HSPA12B: variants seen among roughly 807,000 people sequenced by gnomAD.
HSPA12B encodes the protein heat shock protein family A (Hsp70) member 12B.
Under a neutral mutation model 69.3 loss-of-function variants are expected in HSPA12B, and 54 were observed. The ratio of observed to expected loss-of-function variants is 0.78; its 90% CI spans 0.63 to 0.98. The LOEUF (loss-of-function observed/expected upper bound fraction) is 0.98, where lower values mean the gene tolerates loss of function less well. Ranked by LOEUF, HSPA12B falls within the 50% of genes least tolerant of loss-of-function variation. The pLI is 0.00. For synonymous variants in HSPA12B, 441 were observed against 436.5 expected, an observed-to-expected ratio of 1.01 and a Z score of -0.13; for missense variants, 929 against 999.8, an observed-to-expected ratio of 0.93 and a Z score of 0.96.
chr20:3,748,283 G>A lies in HSPA12B; in HGVS notation c.742G>A (p.Val248Ile). The change falls in exon 8 of 13, where the codon GTA becomes ATA. Residue 248 changes from valine (V) to isoleucine (I), a missense_variant. Around this residue, in one of 3 missense-constraint regions of HSPA12B, gnomAD observed 477 missense variants for 535.2 expected, o/e 0.89. Coordinates refer to ENST00000254963, the MANE Select transcript of HSPA12B (RefSeq NM_052970.5). The part of the protein sequence containing the change: ...LIALEPEAAS[V>I]YCRKLRLHQL... ...CGCCCTGGAGCCCGAGGCCGCCTCG[G>A]TATACTGCCGCAAGCTGCGCCTGCA... 6.2e-7 allele frequency: 1 copy of A among 1,610,444 alleles called. No individual in the cohort carries two copies. Among genetic ancestry groups the A allele is most frequent in the Non-Finnish European group, 8.5e-7 (1 of 1,178,440 alleles).
rs1195513320 is a variant in HSPA12B, at chr20:3,744,296, C to T, written c.267-606C>T. Among the ~76,000 whole-genome samples the T allele has an allele frequency of 6.6e-6, 1 of 152,220 alleles. No homozygotes were observed. The highest frequency in any genetic ancestry group is 1.5e-5 in the Non-Finnish European group (1 of 68,032). On this transcript the variant is annotated intron_variant, in intron 4 of 12. Coordinates refer to ENST00000254963, the MANE Select transcript of HSPA12B (RefSeq NM_052970.5). This position sits in a 1 kb window ranked among gnomAD's most constrained non-coding sequence, Gnocchi z 4.9. ...AAACCACAAAGGCTCTGAGCACTTACAGCCCTCTAGGAGCTGCAGGGCATC... is the reference window on the plus strand; with the variant it reads ...AAACCACAAAGGCTCTGAGCACTTATAGCCCTCTAGGAGCTGCAGGGCATC...
chr20:3,751,623 C>T lies in HSPA12B; in HGVS notation c.1518C>T (p.Arg506=). 6.5e-7 allele frequency: 1 copy of T among 1,528,532 alleles called. No individual in the cohort carries two copies. The allele number at this position is 1,528,532 out of a possible 1,614,324, so 94.7% of individuals were successfully genotyped here. The change falls in exon 13 of 13, where the codon CGC becomes CGT. Residue 506 remains arginine (R), a synonymous_variant. Coordinates refer to ENST00000254963, the MANE Select transcript of HSPA12B (RefSeq NM_052970.5). ...CGGTGCAGGCGGCGCTGGGCGCCCG[C>T]GGTCTGCGTGTCGTGGTCCCGCACG... ...QHAVQAALGA[R]GLRVVVPHDV...
rs1568473786 is a variant in HSPA12B, at chr20:3,742,300, C to T, written c.158C>T (p.Ala53Val). ...PSQSPKPEVR[A>V]PQQASFSVVV... ...CACTTGCAGAAACCCGAGGTCCGAG[C>T]CCCCCAGCAGGCCTCCTTCTCTGTG... The change falls in exon 4 of 13, where the codon GCC becomes GTC. Residue 53 changes from alanine (A) to valine (V), a missense_variant. This residue lies in a region of HSPA12B where 477 missense variants were observed against 535.2 expected (regional missense o/e 0.89). Transcript: ENST00000254963. 1 of 1,613,728 alleles carries T rather than the reference C, an allele frequency of 6.2e-7. No individual in the cohort carries two copies. Among genetic ancestry groups the T allele is most frequent in the Non-Finnish European group, 8.5e-7 (1 of 1,179,700 alleles).
intron 1 of HSPA12B, 50 bp from the exon 2 acceptor site, chr20:3,738,608 G>T: frequency 6.5e-7 from 1 of 1,544,836 alleles, no homozygotes; most frequent in South Asian, 1.1e-5. Context: ...TCAGATGAGG[G>T]AACAAAGGGA....
intron 1 of HSPA12B, among the ~76,000 whole-genome samples, chr20:3,733,513 C>G (rs1432388471): frequency 6.6e-6 from 1 of 152,004 alleles, no homozygotes; most frequent in Non-Finnish European, 1.5e-5. Context: ...TGATGAGGAC[C>G]CAAGGGGGTG....
chr20:3,749,170 T>C lies in HSPA12B; in HGVS notation c.851-62T>C. On this transcript the variant is annotated intron_variant, in intron 8 of 12. Transcript: ENST00000254963. This position sits in a 1 kb window ranked among gnomAD's most constrained non-coding sequence, Gnocchi z 5.5. The stretch of plus-strand genomic sequence containing the variant: ...GAGGTCCTGGGCAGGAGGATGGGAG[T>C]TGAACGCCATAGCTGGAGCACCTCC... 1 of 1,457,668 alleles carries C rather than the reference T, an allele frequency of 6.9e-7. No homozygotes were observed. The highest frequency in any genetic ancestry group is 9.5e-7 in the Non-Finnish European group (1 of 1,057,218). The allele number at this position is 1,457,668 out of a possible 1,614,324, so 90.3% of individuals were successfully genotyped here. A position where few individuals can be genotyped will look rare whatever the true frequency, so the allele number is the denominator to read the frequency against.
In HSPA12B at chr20:3,749,969, G is replaced by C; in HGVS notation, c.1043G>C (p.Gly348Ala). The change falls in exon 11 of 13, where the codon GGG becomes GCG. Residue 348 changes from glycine to alanine, a missense_variant and splice_region_variant. Physicochemically the swap from Gly to Ala is moderately conservative, Grantham distance 60 (BLOSUM62 0). Coordinates refer to ENST00000254963, the MANE Select transcript of HSPA12B (RefSeq NM_052970.5). This position sits in a 1 kb window ranked among gnomAD's most constrained non-coding sequence, Gnocchi z 5.5. ...GTLKELYKAS[G>A]GPYGAVGVDL... ...CTCTTCGCCCCCTGCTCCACCCCAG[G>C]GGGCCCTTATGGCGCGGTGGGCGTG... 6.4e-7 allele frequency: 1 copy of C among 1,563,700 alleles called. No individual in the cohort carries two copies.
chr20:3,735,221 G>A (rs560712214), intron 1 of HSPA12B, among the ~76,000 whole-genome samples: 1 of 152,308 alleles, frequency 6.6e-6, no homozygotes, highest in African/African-American at 2.4e-5. Flanking sequence ...ATCTGGACTT[G>A]TTAACATAAG....
chr20:3,740,745 C>A lies in HSPA12B; in HGVS notation c.44-70C>A. On this transcript the variant is annotated intron_variant, in intron 2 of 12. Coordinates refer to ENST00000254963, the MANE Select transcript of HSPA12B (RefSeq NM_052970.5). The surrounding 1 kb of genome is among the most constrained non-coding windows in gnomAD (Gnocchi z 4.9). ...AGGACTGATGGAGAACCTTTGGGTG[C>A]CTGGCTTGGGGCCCCGCTGCCATAC... 1 of 1,268,442 alleles carries A rather than the reference C, an allele frequency of 7.9e-7. No homozygotes were observed. Among genetic ancestry groups the A allele is most frequent in the Non-Finnish European group, 1.1e-6 (1 of 885,500 alleles). The allele number at this position is 1,268,442 out of a possible 1,614,324, so 78.6% of individuals were successfully genotyped here.
chr20:3,740,637 G>A lies in HSPA12B; in HGVS notation c.44-178G>A, dbSNP rs1403011825. On this transcript the variant is annotated intron_variant, in intron 2 of 12. Transcript: ENST00000254963. This position sits in a 1 kb window ranked among gnomAD's most constrained non-coding sequence, Gnocchi z 4.9. ...CGTTGCCTCTGACAGCAGACCCTCAGCTCCTGCCCCTGCGTCATGTGTGTC... is the reference window on the plus strand; with the variant it reads ...CGTTGCCTCTGACAGCAGACCCTCAACTCCTGCCCCTGCGTCATGTGTGTC... Among the ~76,000 whole-genome samples, 1 of 152,162 alleles carries A rather than the reference G, an allele frequency of 6.6e-6. No homozygotes were observed. Among genetic ancestry groups the A allele is most frequent in the African/African-American group, 2.4e-5 (1 of 41,436 alleles).
In HSPA12B at chr20:3,746,422, C is replaced by G. The variant is rs768104029; in HGVS notation, c.675+391C>G. 4.0e-5 allele frequency among the ~76,000 whole-genome samples: 6 copies of G among 150,924 alleles called. No individual in the cohort carries two copies. The South Asian group carries it at 8.4e-4, about 21-fold the overall frequency. On this transcript the variant is annotated intron_variant, in intron 7 of 12. Transcript: ENST00000254963. ...GGTTCACGCCATTCTCCTGCCTCAG[C>G]CTCCCGAGTAGCTGGGACTACAGGT...
At chr20:3,734,144 G>C (rs1006550658) in intron 1 of HSPA12B, among the ~76,000 whole-genome samples, 4 of 152,200 alleles carry the variant, frequency 2.6e-5, no homozygotes, top group African/African-American at 7.2e-5. Context: ...CTCCAGCCTA[G>C]GCAACAGAGC....
intron 1 of HSPA12B, among the ~76,000 whole-genome samples, chr20:3,738,330 A>G (rs897653790): frequency 6.6e-6 from 1 of 152,222 alleles, no homozygotes; most frequent in Non-Finnish European, 1.5e-5. Context: ...GGCACAGAGC[A>G]GGCACCAGAA....
At chr20:3,743,235 G>A (rs1454464391) in intron 4 of HSPA12B, among the ~76,000 whole-genome samples, 1 of 149,390 alleles carries the variant, frequency 6.7e-6, no homozygotes, top group Non-Finnish European at 1.5e-5. Flanking sequence ...ACAAGCTGGA[G>A]TGCAGTGGTG....
intron 11 of HSPA12B, chr20:3,750,528 A>G (rs2088398592): frequency 3.2e-6 from 1 of 310,188 alleles, no homozygotes; most frequent in Non-Finnish European, 4.7e-6. Flanking sequence ...CTGCGGGCCC[A>G]TGCTCCTCGG....
chr20:3,750,342 A>C, intron 11 of HSPA12B, 115 bp downstream of exon 11: 15 of 1,110,824 alleles, frequency 1.4e-5, no homozygotes, highest in Non-Finnish European at 1.7e-5. Context: ...TCCCACATAT[A>C]CACTAAGCCA....
At position 3,744,198 on chromosome 20, in the gene HSPA12B, C is replaced by G. The variant is rs1304172898; in HGVS notation, c.267-704C>G. Among the ~76,000 whole-genome samples, 1 of 152,160 alleles carries G rather than the reference C, an allele frequency of 6.6e-6. No homozygotes were observed. The highest frequency in any genetic ancestry group is 1.5e-5 in the Non-Finnish European group (1 of 68,032). ...AAGGGTGAATGGAGACATAGACAGA[C>G]AGGTAACTGCTCCCAAAATACATGG... On this transcript the variant is annotated intron_variant, in intron 4 of 12. Coordinates refer to ENST00000254963, the MANE Select transcript of HSPA12B (RefSeq NM_052970.5). The surrounding 1 kb of genome is among the most constrained non-coding windows in gnomAD (Gnocchi z 4.9).
At position 3,750,216 on chromosome 20, in the gene HSPA12B, G is replaced by A; in HGVS notation, c.1290G>A (p.Leu430=). ...KQRGHNVETA[L]RRSSVNFVKW... ...GGGGCCACAACGTGGAGACCGCTCTGCGCAGGAGCAGGTGGGTCCTGAGCC... is the reference window on the plus strand; with the variant it reads ...GGGGCCACAACGTGGAGACCGCTCTACGCAGGAGCAGGTGGGTCCTGAGCC... Residue 430 remains leucine (L), a synonymous_variant, in exon 11 of 13, where the codon CTG becomes CTA. Coordinates refer to ENST00000254963, the MANE Select transcript of HSPA12B (RefSeq NM_052970.5). The A allele has an allele frequency of 6.3e-7, 1 of 1,599,068 alleles. No individual in the cohort carries two copies. Among genetic ancestry groups the A allele is most frequent in the South Asian group, 1.1e-5 (1 of 90,530 alleles).
Position 3,740,798 on chromosome 20 carries a change from C to T in HSPA12B, c.44-17C>T. 2 of 1,608,068 alleles carry T rather than the reference C, an allele frequency of 1.2e-6. No homozygotes were observed. Among genetic ancestry groups the T allele is most frequent in the Non-Finnish European group, 1.7e-6 (2 of 1,176,150 alleles). ...ACCCTGCTTGTGCCAGGATGAACTGCCGTCTCTTCTCTGCAGGCTCCAGCC... is the reference window on the plus strand; with the variant it reads ...ACCCTGCTTGTGCCAGGATGAACTGTCGTCTCTTCTCTGCAGGCTCCAGCC... On this transcript the variant is annotated splice_polypyrimidine_tract_variant and intron_variant, in intron 2 of 12. Transcript: ENST00000254963. The surrounding 1 kb of genome is among the most constrained non-coding windows in gnomAD (Gnocchi z 4.9).
Sources: allele counts gnomAD v4.1 joint callset (sites outside exome capture counted in the v4.1 genomes callset), GRCh38; gene constraint gnomAD v4.1.1; regional missense constraint gnomAD v4.1.1; non-coding constraint Gnocchi (gnomAD v3.1); transcripts MANE v1.5; gene names NCBI Gene and HGNC (gene_info 2026-07-23, HGNC 2026-07-21).